DLGAP4: variants seen among roughly 807,000 people sequenced by gnomAD.
The protein encoded by DLGAP4 is disks large-associated protein 4.
DLGAP4 carries 18 observed loss-of-function variants against 86.9 expected under a neutral mutation model. The observed-to-expected ratio is 0.21, with a 90% confidence interval of 0.14 to 0.31. DLGAP4 has a LOEUF of 0.31. DLGAP4 is among the 10% of genes least tolerant of loss of function. The probability of loss-of-function intolerance (pLI) is 1.00; values close to 1 mark genes in which losing one functional copy is unlikely to be tolerated. For missense variants in DLGAP4, 1,085 were observed against 1,362.6 expected, an observed-to-expected ratio of 0.80 and a Z score of 3.21; for synonymous variants, 548 against 574.3, an observed-to-expected ratio of 0.95 and a Z score of 0.65.
At chr20:36,316,298 C>T (rs1368986116) in intron 1 of DLGAP4, among the ~76,000 whole-genome samples, 2 of 3,264 alleles carry the variant, frequency 6.1e-4, no homozygotes, top group Non-Finnish European at 1.4e-3. Flanking sequence ...TGCCTCTGTG[C>T]ACCTTCCACA....
chr20:36,423,455 C>CAAAAAA (rs11434258), intron 2 of DLGAP4, among the ~76,000 whole-genome samples: 1 of 16,336 alleles, frequency 6.1e-5, no homozygotes, highest in East Asian at 1.6e-3. Context: ...GACTCCGTCT[C>CAAAAAA]AAAAAAAAAA....
At chr20:36,442,959 C>A (rs565156599) in intron 6 of DLGAP4, among the ~76,000 whole-genome samples, 182 bp downstream of exon 6, 6 of 152,206 alleles carry the variant, frequency 3.9e-5, no homozygotes, top group Non-Finnish European at 8.8e-5. Context: ...CCACTCCCTA[C>A]CCTTATTGCT....
chr20:36,479,826 C>CG (rs960018445), intron 7 of DLGAP4, among the ~76,000 whole-genome samples: 14 of 152,052 alleles, frequency 9.2e-5, no homozygotes, highest in African/African-American at 3.4e-4. Flanking sequence ...TGAATCTTCC[C>CG]GAACTTAGTC....
At chr20:36,419,405 G>C (rs2032758736) in intron 2 of DLGAP4, among the ~76,000 whole-genome samples, 1 of 152,116 alleles carries the variant, frequency 6.6e-6, no homozygotes. Context: ...GGGATTATAG[G>C]TGTGAGCCAC....
At chr20:36,439,518 C>T (rs190611848) in intron 4 of DLGAP4, among the ~76,000 whole-genome samples, 5 of 152,350 alleles carry the variant, frequency 3.3e-5, no homozygotes, top group Non-Finnish European at 7.4e-5. Flanking sequence ...CTTGACCCAC[C>T]TCTGTCGGGC....
At chr20:36,493,609 C>T (rs1037558381) in intron 7 of DLGAP4, among the ~76,000 whole-genome samples, 1 of 152,186 alleles carries the variant, frequency 6.6e-6, no homozygotes, top group Non-Finnish European at 1.5e-5. Flanking sequence ...CAGGGCCCAG[C>T]AGGATGCTGT....
At chr20:36,358,188 C>G (rs2030394341) in intron 1 of DLGAP4, among the ~76,000 whole-genome samples, 1 of 152,228 alleles carries the variant, frequency 6.6e-6, no homozygotes, top group Admixed American at 6.5e-5. Context: ...CCGACCTCCC[C>G]CATGGGGCCA....
chr20:36,416,870 C>T (rs1037620581), intron 2 of DLGAP4, among the ~76,000 whole-genome samples: 2 of 152,136 alleles, frequency 1.3e-5, no homozygotes, highest in Non-Finnish European at 2.9e-5. Flanking sequence ...TCCCATCGGG[C>T]AGCTGCAGCT....
At chr20:36,351,097 G>A (rs1317738630) in intron 1 of DLGAP4, among the ~76,000 whole-genome samples, 1 of 152,256 alleles carries the variant, frequency 6.6e-6, no homozygotes, top group Non-Finnish European at 1.5e-5. Flanking sequence ...GATCGTAAGA[G>A]AGGCTGCTCC....
chr20:36,391,756 C>T (rs1340855739), intron 2 of DLGAP4, among the ~76,000 whole-genome samples: 1 of 152,170 alleles, frequency 6.6e-6, no homozygotes, highest in East Asian at 1.9e-4. Context: ...CCATGAGGTG[C>T]AAAGTGCTCA....
At position 36,500,211 on chromosome 20, in the gene DLGAP4, CT is replaced by C; in HGVS notation, c.2113del (p.Ser705LeufsTer68). On this transcript the variant is annotated frameshift_variant, in exon 10 of 13. Transcript: ENST00000339266. LOFTEE classifies it high-confidence loss of function. This position sits in a 1 kb window ranked among gnomAD's most constrained non-coding sequence, Gnocchi z 4.6. ...VEDDWRSSVP[S>X]HSMSSRRDTD... is the part of the protein sequence containing the mutation. Reference sequence around the variant, plus strand: ...CCCCTACCCACAGAAGCAGCGTCCCCTCTCACAGTATGTCCTCCCGACGGGA... The same window carrying C: ...CCCCTACCCACAGAAGCAGCGTCCCCCTCACAGTATGTCCTCCCGACGGGA... 6.5e-7 allele frequency: 1 copy of C among 1,550,032 alleles called. No homozygotes were observed.
intron 7 of DLGAP4, among the ~76,000 whole-genome samples, chr20:36,487,674 C>T (rs925933189): frequency 2.0e-5 from 3 of 152,154 alleles, no homozygotes; most frequent in Non-Finnish European, 2.9e-5. Context: ...TGCCACTAAG[C>T]GACTCTCACC....
At chr20:36,356,532 G>C (rs1011068657) in intron 1 of DLGAP4, among the ~76,000 whole-genome samples, 1 of 151,986 alleles carries the variant, frequency 6.6e-6, no homozygotes. Context: ...TGCTGGTCTC[G>C]AACTCCTGAC....
intron 2 of DLGAP4, among the ~76,000 whole-genome samples, chr20:36,378,008 T>C (rs953318511): frequency 6.6e-6 from 1 of 152,186 alleles, no homozygotes; most frequent in Non-Finnish European, 1.5e-5. Context: ...AGCACTGTTC[T>C]ACAGCCTTGC....
intron 6 of DLGAP4, among the ~76,000 whole-genome samples, chr20:36,443,396 G>C (rs1473104621): frequency 6.6e-6 from 1 of 152,086 alleles, no homozygotes; most frequent in Non-Finnish European, 1.5e-5. Flanking sequence ...GGCAGGAAAG[G>C]TACTCTGAGA....
chr20:36,461,976 C>G, intron 7 of DLGAP4: 1 of 985,138 alleles, frequency 1.0e-6, no homozygotes, highest in Non-Finnish European at 1.2e-6. Context: ...TCGGGACTCC[C>G]CCTCAGAGCG....
At chr20:36,459,205 G>A (rs2033959419) in intron 7 of DLGAP4, among the ~76,000 whole-genome samples, 1 of 152,052 alleles carries the variant, frequency 6.6e-6, no homozygotes, top group African/African-American at 2.4e-5. Flanking sequence ...CTTAGGGGAA[G>A]GACCCAGTAC....
chr20:36,314,331 C>T (rs1157115647), intron 1 of DLGAP4, among the ~76,000 whole-genome samples: 43 of 110,726 alleles, frequency 3.9e-4, no homozygotes, highest in Middle Eastern at 4.6e-3. Context: ...TGTGTGTGTG[C>T]GTGTGTGTGT....
At chr20:36,326,807 C>T (rs567273648) in intron 1 of DLGAP4, among the ~76,000 whole-genome samples, 1 of 151,486 alleles carries the variant, frequency 6.6e-6, no homozygotes, top group South Asian at 2.1e-4. Context: ...TTTATTTTGC[C>T]TTCATTTTTT....
Sources: allele counts gnomAD v4.1 joint callset (sites outside exome capture counted in the v4.1 genomes callset), GRCh38; gene constraint gnomAD v4.1.1; non-coding constraint Gnocchi (gnomAD v3.1); transcripts MANE v1.5; gene names NCBI Gene and HGNC (gene_info 2026-07-23, HGNC 2026-07-21).